The following SPIRE1 variants were observed in gnomAD, a reference collection of about 807,000 sequenced individuals.
The protein encoded by SPIRE1 is protein spire homolog 1.
In SPIRE1, 40 loss-of-function variants were observed where a neutral mutation model predicts 94.1. The observed-to-expected ratio is 0.43, with a 90% CI of 0.33 to 0.55. The LOEUF (loss-of-function observed/expected upper bound fraction) is 0.55. SPIRE1 is among the 20% of genes least tolerant of loss of function. The pLI, the probability that SPIRE1 is intolerant of heterozygous loss-of-function variation, is 0.06. For synonymous variants in SPIRE1, 376 were observed against 371.7 expected (o/e 1.01, Z -0.13); for missense variants, 838 against 975.2 (o/e 0.86, Z 1.87).
chr18:12,528,417 T>C (rs769788167), intron 4 of SPIRE1, among the ~76,000 whole-genome samples: 26 of 152,284 alleles, frequency 1.7e-4, no homozygotes, highest in Non-Finnish European at 3.2e-4. Flanking sequence ...CATTTCAGAA[T>C]AGTAGATAGA....
chr18:12,590,929 A>G (rs532787742), intron 2 of SPIRE1, among the ~76,000 whole-genome samples: 1 of 152,322 alleles, frequency 6.6e-6, no homozygotes, highest in East Asian at 1.9e-4. Context: ...AATATCTATA[A>G]ACAATATATA....
chr18:12,645,528 A>C (rs2038200450), intron 1 of SPIRE1, among the ~76,000 whole-genome samples: 1 of 151,968 alleles, frequency 6.6e-6, no homozygotes, highest in Non-Finnish European at 1.5e-5. Flanking sequence ...AATCACTCTC[A>C]ATCTGATTCT....
chr18:12,530,565 C>T lies in SPIRE1; in HGVS notation c.729+4911G>A, dbSNP rs533035692. Among the ~76,000 whole-genome samples the T allele has an allele frequency of 5.9e-5, 9 of 152,170 alleles. No individual in the cohort carries two copies. In the South Asian group the frequency reaches 6.2e-4, roughly 11 times the overall value. On this transcript the variant is annotated intron_variant, in intron 4 of 16. Transcript: ENST00000409402. ...AGGCTGGTCTCAAAACACCTGGTCT[C>T]GGCCTCTCAAAGTGCTGGGATTACA...
At chr18:12,582,359 T>C (rs911823553) in intron 2 of SPIRE1, among the ~76,000 whole-genome samples, 2 of 152,222 alleles carry the variant, frequency 1.3e-5, no homozygotes, top group African/African-American at 4.8e-5. Context: ...AAAAATTTAA[T>C]ATTGCTGCTC....
Position 12,485,992 on chromosome 18 carries a change from GC to G in SPIRE1, c.1197del (p.Pro400HisfsTer13), listed in dbSNP as rs900653163. On this transcript the variant is annotated frameshift_variant, in exon 9 of 17. Transcript: ENST00000409402. LOFTEE classifies it high-confidence loss of function. ...TCAAAACTGTAAGACATGCTAAGTG[GC>G]CGCATTGCTGAAAAAAAGAAAACAA... The part of the protein sequence containing the change: ...EEIRRSRLAM[R>X]PLSMSYSFDL... The G allele has an allele frequency of 6.6e-7, 1 of 1,518,058 alleles. No individual in the cohort carries two copies. Among genetic ancestry groups the G allele is most frequent in the Non-Finnish European group, 8.8e-7 (1 of 1,137,436 alleles). The allele number at this position is 1,518,058 out of a possible 1,614,324, so 94.0% of individuals were successfully genotyped here.
chr18:12,627,571 A>G (rs1357614602), intron 2 of SPIRE1, among the ~76,000 whole-genome samples: 1 of 152,206 alleles, frequency 6.6e-6, no homozygotes. Flanking sequence ...TTAGGTATAT[A>G]CCCAGTAATG....
chr18:12,602,812 G>T (rs1365123711), intron 2 of SPIRE1, among the ~76,000 whole-genome samples: 1 of 152,122 alleles, frequency 6.6e-6, no homozygotes, highest in East Asian at 1.9e-4. Context: ...GCCTGCTCAG[G>T]GATTGGATCT....
intron 8 of SPIRE1, 44 bp downstream of exon 8, chr18:12,493,028 C>T: frequency 6.5e-7 from 1 of 1,547,362 alleles, no homozygotes; most frequent in Non-Finnish European, 8.7e-7. Flanking sequence ...GATCCTTTTC[C>T]CAGGGGATGA....
Position 12,486,319 on chromosome 18 carries a change from T to C in SPIRE1, c.1190-319A>G, listed in dbSNP as rs140392564. On this transcript the variant is annotated intron_variant, in intron 8 of 16. Transcript: ENST00000409402. ...CAGAATAAGATGTTTGACTTAAATA[T>C]AGATTTTTAAAAAAGCCATGTTTTA... Among the ~76,000 whole-genome samples, 803 of 152,276 alleles carry C rather than the reference T, an allele frequency of 5.3e-3. 5 individuals are homozygous for C. The highest frequency in any genetic ancestry group is 0.018 in the African/African-American group (759 of 41,562).
chr18:12,606,861 C>T (rs190826689), intron 2 of SPIRE1, among the ~76,000 whole-genome samples: 2 of 152,284 alleles, frequency 1.3e-5, no homozygotes, highest in Non-Finnish European at 2.9e-5. Flanking sequence ...TTAGTGCTCC[C>T]TTTTATTAGT....
At chr18:12,473,218 G>A (rs1444153694) in intron 10 of SPIRE1, among the ~76,000 whole-genome samples, 3 of 152,086 alleles carry the variant, frequency 2.0e-5, no homozygotes, top group South Asian at 2.1e-4. Flanking sequence ...CCACCCACCT[G>A]GCTCATTATA....
Position 12,448,406 on chromosome 18 carries a change from C to G in SPIRE1, c.*1232G>C, listed in dbSNP as rs2143461234. 2 of 152,658 alleles carry G rather than the reference C, an allele frequency of 1.3e-5. No individual in the cohort carries two copies. The highest frequency in any genetic ancestry group is 4.1e-4 in the South Asian group (2 of 4,826). The allele number at this position is 152,658 out of a possible 1,614,324, so 9.5% of individuals were successfully genotyped here. On this transcript the variant is annotated 3_prime_UTR_variant, in exon 17 of 17. Transcript: ENST00000409402. This position sits in a 1 kb window ranked among gnomAD's most constrained non-coding sequence, Gnocchi z 4.4. ...ATTAATGACAATTTGATTGGTTAGT[C>G]ATTTGTAAGCATACCAAAATAATAC...
rs1329008120 is a variant in SPIRE1 at position 12,485,947 on chromosome 18, T to C, written c.1231+12A>G. On this transcript the variant is annotated intron_variant, in intron 9 of 16. Transcript: ENST00000409402. ...CCCACGTCAGGTGTAAAAGTGTTTT[T>C]GTTTTTTTTACCTGACAAGTCAAAA... is the stretch of plus-strand genomic sequence containing the variant. 6.5e-7 allele frequency: 1 copy of C among 1,532,124 alleles called. No individual in the cohort carries two copies. Among genetic ancestry groups the C allele is most frequent in the South Asian group, 1.2e-5 (1 of 80,492 alleles). The allele number at this position is 1,532,124 out of a possible 1,614,324, so 94.9% of individuals were successfully genotyped here.
chr18:12,630,695 T>A (rs1302649893), intron 2 of SPIRE1, among the ~76,000 whole-genome samples: 1 of 151,978 alleles, frequency 6.6e-6, no homozygotes, highest in Non-Finnish European at 1.5e-5. Flanking sequence ...CCACCCTCAA[T>A]GGAGAATCTG....
At chr18:12,522,441 A>T (rs2034390411) in intron 4 of SPIRE1, among the ~76,000 whole-genome samples, 2 of 152,276 alleles carry the variant, frequency 1.3e-5, no homozygotes, top group Non-Finnish European at 2.9e-5. Flanking sequence ...GCTCGATAAA[A>T]GTGCAAGGTG....
chr18:12,560,039 A>G (rs1266816122), intron 2 of SPIRE1, among the ~76,000 whole-genome samples: 3 of 152,242 alleles, frequency 2.0e-5, no homozygotes, highest in African/African-American at 7.2e-5. Flanking sequence ...CAAAACTACA[A>G]TGATATCTCA....
At position 12,535,588 on chromosome 18, in the gene SPIRE1, T is replaced by C. The variant is rs891029600; in HGVS notation, c.617A>G (p.His206Arg). Residue 206 changes from histidine to arginine, a missense_variant, in exon 4 of 17, where the codon CAT becomes CGT. Physicochemically the swap from His to Arg is conservative, Grantham distance 29. This residue lies in a region of SPIRE1 where 645 missense variants were observed against 804.7 expected (regional missense o/e 0.80). Transcript: ENST00000409402. Reference protein sequence around the residue: ...YRDVMKLCAAHLPTESDAPNH... With the variant: ...YRDVMKLCAARLPTESDAPNH... ...TGGTGCATCTGATTCAGTAGGGAGA[T>C]GAGCAGCACACAACTATAGAAGGGG... is the stretch of plus-strand genomic sequence containing the variant. 4 of 1,612,668 alleles carry C rather than the reference T, an allele frequency of 2.5e-6. No individual in the cohort carries two copies. Among genetic ancestry groups the C allele is most frequent in the Non-Finnish European group, 3.4e-6 (4 of 1,179,098 alleles).
chr18:12,618,301 C>T (rs2037370436), intron 2 of SPIRE1, among the ~76,000 whole-genome samples: 2 of 151,906 alleles, frequency 1.3e-5, no homozygotes, highest in South Asian at 2.1e-4. Flanking sequence ...GGAGTTTCCC[C>T]GTGTTAGCCA....
chr18:12,551,561 C>T (rs1053318715), intron 2 of SPIRE1, among the ~76,000 whole-genome samples: 8 of 151,858 alleles, frequency 5.3e-5, no homozygotes, highest in East Asian at 1.9e-4. Context: ...CAAAATTAGC[C>T]GGGCGTGGTG....
Sources: gnomAD v4.1 joint callset for allele counts (sites outside exome capture counted in the v4.1 genomes callset) on GRCh38, gnomAD v4.1.1 for gene constraint, gnomAD v4.1.1 regional missense constraint, Gnocchi (gnomAD v3.1) non-coding constraint, MANE v1.5 for transcripts, NCBI Gene and HGNC (gene_info 2026-07-23, HGNC 2026-07-21) for gene names.